DIRAS2: variants seen among roughly 807,000 people sequenced by gnomAD.
DIRAS2 encodes DIRAS family GTPase 2, also known as GTP-binding protein Di-Ras2.
In DIRAS2, 5 loss-of-function variants were observed where a neutral mutation model predicts 13.9. The ratio of observed to expected loss-of-function variants is 0.36; its 90% confidence interval spans 0.19 to 0.76. DIRAS2 has a LOEUF of 0.76. Ranked by LOEUF, DIRAS2 falls within the 30% of genes least tolerant of loss-of-function variation. DIRAS2 has a pLI of 0.53. For missense variants in DIRAS2, 191 were observed against 263.0 expected, an observed-to-expected ratio of 0.73 and a Z score of 1.89; for synonymous variants, 111 against 105.4, an observed-to-expected ratio of 1.05 and a Z score of -0.33.
rs1454613822 is a variant in DIRAS2, at chr9:90,611,906, TG to T, written c.*1321del. 1 of 152,188 alleles carries T rather than the reference TG, an allele frequency of 6.6e-6. No homozygotes were observed. The highest frequency in any genetic ancestry group is 1.5e-5 in the Non-Finnish European group (1 of 68,050). 9.4% of individuals were successfully genotyped at this position (152,188 alleles called of 1,614,324 possible). On this transcript the variant is annotated 3_prime_UTR_variant, in exon 2 of 2. Coordinates refer to ENST00000375765, the MANE Select transcript of DIRAS2 (RefSeq NM_017594.5). The stretch of plus-strand genomic sequence containing the variant: ...ACGATGGCAGAGCAATTAAGCTGAG[TG>T]GGCTCTTCCCAGGGCAGAGAAGCCT...
At chr9:90,615,402 G>A (rs1046638340) in intron 1 of DIRAS2, among the ~76,000 whole-genome samples, 3 of 152,180 alleles carry the variant, frequency 2.0e-5, no homozygotes, top group Non-Finnish European at 2.9e-5. Context: ...ATAAAAGACT[G>A]TTAGGAAGTT....
intron 1 of DIRAS2, among the ~76,000 whole-genome samples, chr9:90,629,170 A>T (rs1188460149): frequency 6.6e-6 from 1 of 152,220 alleles, no homozygotes; most frequent in Non-Finnish European, 1.5e-5. Flanking sequence ...ATATTACTTA[A>T]AATTAATTTC....
chr9:90,637,373 T>C (rs1825380613), intron 1 of DIRAS2, among the ~76,000 whole-genome samples: 1 of 152,224 alleles, frequency 6.6e-6, no homozygotes, highest in Admixed American at 6.5e-5. Flanking sequence ...TACTTAAATA[T>C]TTCATGTTTC....
chr9:90,638,636 A>ATGTGTG (rs10599969), intron 1 of DIRAS2, among the ~76,000 whole-genome samples: 1 of 148,682 alleles, frequency 6.7e-6, no homozygotes, highest in African/African-American at 2.5e-5. Flanking sequence ...TCCATTGATC[A>ATGTGTG]TGTGTGTGTG....
intron 1 of DIRAS2, among the ~76,000 whole-genome samples, chr9:90,615,252 A>G (rs1167700569): frequency 6.6e-6 from 1 of 152,238 alleles, no homozygotes; most frequent in African/African-American, 2.4e-5. Context: ...AAAGCCCTGG[A>G]CTGAGGTATT....
chr9:90,611,492 C>A lies in DIRAS2; in HGVS notation c.*1736G>T, dbSNP rs1382452617. 6.6e-6 allele frequency: 1 copy of A among 152,544 alleles called. No individual in the cohort carries two copies. The highest frequency in any genetic ancestry group is 1.9e-4 in the East Asian group (1 of 5,202). 9.4% of individuals were successfully genotyped at this position (152,544 alleles called of 1,614,324 possible). A position where few individuals can be genotyped will look rare whatever the true frequency, so the allele number is the denominator to read the frequency against. On this transcript the variant is annotated 3_prime_UTR_variant, in exon 2 of 2. Coordinates refer to ENST00000375765, the MANE Select transcript of DIRAS2 (RefSeq NM_017594.5). ...AGAGGATGAGATCAGGACAAGGGAA[C>A]TGAACCAGAAAAGGCTGAAGAAAAC...
intron 1 of DIRAS2, among the ~76,000 whole-genome samples, chr9:90,628,103 G>C (rs982082552): frequency 6.6e-6 from 1 of 152,062 alleles, no homozygotes; most frequent in African/African-American, 2.4e-5. Context: ...CTAATATCTT[G>C]AGAAGACCAA....
chr9:90,627,604 G>A (rs1462599675), intron 1 of DIRAS2, among the ~76,000 whole-genome samples: 1 of 152,166 alleles, frequency 6.6e-6, no homozygotes, highest in Admixed American at 6.5e-5. Flanking sequence ...ATGGATGGTG[G>A]TGATGGTTGC....
At chr9:90,632,080 C>T (rs369591846) in intron 1 of DIRAS2, among the ~76,000 whole-genome samples, 1 of 152,204 alleles carries the variant, frequency 6.6e-6, no homozygotes, top group Non-Finnish European at 1.5e-5. Context: ...CAGGCATTAT[C>T]ATCACTTACC....
chr9:90,625,748 T>C (rs1825262486), intron 1 of DIRAS2: 1 of 152,218 alleles, frequency 6.6e-6, no homozygotes, highest in African/African-American at 2.4e-5. Flanking sequence ...AATTGAGAAG[T>C]ATGAGTCTTC....
chr9:90,635,937 C>A (rs571819985), intron 1 of DIRAS2, among the ~76,000 whole-genome samples: 68 of 151,878 alleles, frequency 4.5e-4, no homozygotes, highest in African/African-American at 1.6e-3. Flanking sequence ...CCCTTCTGCC[C>A]CGAACATAGC....
At chr9:90,639,034 C>T (rs185283272) in intron 1 of DIRAS2, among the ~76,000 whole-genome samples, 24 of 152,154 alleles carry the variant, frequency 1.6e-4, no homozygotes, top group African/African-American at 4.8e-4. Flanking sequence ...AAAGTTCTTG[C>T]GTTCTTATTT....
chr9:90,617,467 T>C (rs1825180296), intron 1 of DIRAS2, among the ~76,000 whole-genome samples: 1 of 152,214 alleles, frequency 6.6e-6, no homozygotes, highest in African/African-American at 2.4e-5. Flanking sequence ...TTATATGCTA[T>C]TGAGAGAACT....
rs1365915004 is a variant in DIRAS2 at position 90,610,971 on chromosome 9, A to G, written c.*2257T>C. 6.6e-6 allele frequency: 1 copy of G among 152,228 alleles called. No homozygotes were observed. Among genetic ancestry groups the G allele is most frequent in the Non-Finnish European group, 1.5e-5 (1 of 68,050 alleles). 9.4% of individuals were successfully genotyped at this position (152,228 alleles called of 1,614,324 possible). A position where few individuals can be genotyped will look rare whatever the true frequency, so the allele number is the denominator to read the frequency against. ...TAGAAATGGGATGGTTTGCAGGAAT[A>G]TCTCACATTAAAACCTTATTAATAC... On this transcript the variant is annotated 3_prime_UTR_variant, in exon 2 of 2. Transcript: ENST00000375765.
chr9:90,631,416 G>A (rs1825323900), intron 1 of DIRAS2, among the ~76,000 whole-genome samples: 1 of 152,184 alleles, frequency 6.6e-6, no homozygotes, highest in Non-Finnish European at 1.5e-5. Flanking sequence ...CAGCTGGAGG[G>A]TTTTGAGCAG....
chr9:90,621,464 A>C (rs1218073772), intron 1 of DIRAS2, among the ~76,000 whole-genome samples: 1 of 152,158 alleles, frequency 6.6e-6, no homozygotes, highest in African/African-American at 2.4e-5. Flanking sequence ...AGCTGCCCAG[A>C]CCAAGCCAAA....
At chr9:90,620,437 T>C (rs1825209523) in intron 1 of DIRAS2, among the ~76,000 whole-genome samples, 1 of 152,166 alleles carries the variant, frequency 6.6e-6, no homozygotes, top group Admixed American at 6.5e-5. Flanking sequence ...AGCAGTACCC[T>C]AAATTAACAT....
chr9:90,623,512 AAT>A (rs1474349736), intron 1 of DIRAS2, among the ~76,000 whole-genome samples: 5 of 152,212 alleles, frequency 3.3e-5, no homozygotes, highest in African/African-American at 1.2e-4. Flanking sequence ...AAAATACAAA[AAT>A]ATATGTCAAT....
At chr9:90,637,790 A>G (rs1007501200) in intron 1 of DIRAS2, among the ~76,000 whole-genome samples, 1 of 152,198 alleles carries the variant, frequency 6.6e-6, no homozygotes, top group Non-Finnish European at 1.5e-5. Context: ...TTGAAAGATC[A>G]GCACTGTCCC....
Sources: gnomAD v4.1 joint callset for allele counts (sites outside exome capture counted in the v4.1 genomes callset) on GRCh38, gnomAD v4.1.1 for gene constraint, MANE v1.5 for transcripts, NCBI Gene and HGNC (gene_info 2026-07-23, HGNC 2026-07-21) for gene names.